The following IFTAP variants were observed in gnomAD, a reference collection of about 807,000 sequenced individuals.
The protein encoded by IFTAP is intraflagellar transport associated protein, also known as intraflagellar transport-associated protein.
A neutral mutation model predicts 19.4 loss-of-function variants in IFTAP; 19 were observed. That is an observed-to-expected ratio of 0.98 (90% CI 0.68 to 1.44). The LOEUF (loss-of-function observed/expected upper bound fraction) is 1.44, where lower values mean the gene tolerates loss of function less well. IFTAP is among the 40% of genes most tolerant of loss of function. The probability of loss-of-function intolerance (pLI) is 0.00; values close to 1 mark genes in which losing one functional copy is unlikely to be tolerated. For synonymous variants in IFTAP, 85 were observed against 83.5 expected (o/e 1.02, Z -0.10); for missense variants, 240 against 253.6 (o/e 0.95, Z 0.36).
chr11:36,655,180 A>G (rs1040315543), intron 5 of IFTAP, among the ~76,000 whole-genome samples: 52 of 152,128 alleles, frequency 3.4e-4, no homozygotes, highest in Non-Finnish European at 1.0e-4. Context: ...TTGTGCTCTG[A>G]CAATGCTCAC....
chr11:36,650,810 G>GT (rs1853690290), intron 5 of IFTAP, among the ~76,000 whole-genome samples: 1 of 151,920 alleles, frequency 6.6e-6, no homozygotes, highest in Non-Finnish European at 1.5e-5. Flanking sequence ...GCGGTGTTTG[G>GT]TTTTTTGTCC....
chr11:36,613,157 G>T (rs1187867448), intron 2 of IFTAP, among the ~76,000 whole-genome samples: 1 of 152,036 alleles, frequency 6.6e-6, no homozygotes, highest in African/African-American at 2.4e-5. Flanking sequence ...TTAGCATGCA[G>T]ATTTTTAAAA....
At chr11:36,598,992 TC>T (rs1355045103) in intron 1 of IFTAP, among the ~76,000 whole-genome samples, 2 of 152,124 alleles carry the variant, frequency 1.3e-5, no homozygotes, top group East Asian at 1.9e-4. Flanking sequence ...CTTTATAATT[TC>T]TTTTATTTTC....
chr11:36,595,194 T>G (rs1851165102), intron 1 of IFTAP: 2 of 152,230 alleles, frequency 1.3e-5, no homozygotes, highest in Admixed American at 6.5e-5. Flanking sequence ...TTCATCTTCA[T>G]TCTAGGAAAA....
rs147741597 is a variant in IFTAP, at chr11:36,602,523, G to A, written c.-23-7558G>A. The stretch of plus-strand genomic sequence containing the variant: ...AGGTTTGAGCTAATAAATCTTTTAT[G>A]ATTGAAATATTGTGTGATTATAGAG... On this transcript the variant is annotated intron_variant, in intron 1 of 5. Coordinates refer to ENST00000334307, the MANE Select transcript of IFTAP (RefSeq NM_138787.4). Among the ~76,000 whole-genome samples the A allele has an allele frequency of 1.4e-4, 21 of 152,292 alleles. 1 individual carries two copies. The East Asian group carries it at 4.1e-3, about 29-fold the overall frequency.
At chr11:36,625,474 G>A (rs1026068464) in intron 2 of IFTAP, among the ~76,000 whole-genome samples, 10 of 152,078 alleles carry the variant, frequency 6.6e-5, no homozygotes, top group African/African-American at 2.4e-4. Flanking sequence ...ACACCTCATA[G>A]CAATAAATAT....
In IFTAP at chr11:36,621,752, C is replaced by T. The variant is rs1852299292; in HGVS notation, c.136+11513C>T. On this transcript the variant is annotated intron_variant, in intron 2 of 5. Coordinates refer to ENST00000334307, the MANE Select transcript of IFTAP (RefSeq NM_138787.4). ...ATACTCAGATGAACAAAACAGGGTC[C>T]CTACCCTAGAAGAATTCATCAGCTG... Among the ~76,000 whole-genome samples the T allele has an allele frequency of 1.3e-5, 2 of 151,888 alleles. 1 individual carries two copies. Among genetic ancestry groups the T allele is most frequent in the South Asian group, 4.2e-4 (2 of 4,812 alleles).
chr11:36,608,166 T>G (rs974109777), intron 1 of IFTAP, among the ~76,000 whole-genome samples: 2 of 152,212 alleles, frequency 1.3e-5, no homozygotes, highest in African/African-American at 4.8e-5. Flanking sequence ...AGAAAAAATC[T>G]ATTATTCTCT....
intron 3 of IFTAP, among the ~76,000 whole-genome samples, chr11:36,634,990 A>T (rs576699818): frequency 1.1e-3 from 167 of 152,306 alleles, no homozygotes; most frequent in African/African-American, 3.8e-3. Flanking sequence ...ACAGAATTTC[A>T]AAATTTAGTA....
At chr11:36,613,781 T>G (rs1465159436) in intron 2 of IFTAP, among the ~76,000 whole-genome samples, 1 of 152,074 alleles carries the variant, frequency 6.6e-6, no homozygotes, top group Non-Finnish European at 1.5e-5. Context: ...TGGTGATGGT[T>G]CTTTGGGTCA....
intron 2 of IFTAP, among the ~76,000 whole-genome samples, chr11:36,624,046 T>TA (rs755417218): frequency 2.9e-4 from 44 of 152,144 alleles, no homozygotes; most frequent in Non-Finnish European, 5.4e-4. Flanking sequence ...AAAACCACTT[T>TA]AAAAAGGAAG....
At chr11:36,605,311 A>C (rs1417959297) in intron 1 of IFTAP, among the ~76,000 whole-genome samples, 1 of 141,328 alleles carries the variant, frequency 7.1e-6, no homozygotes, top group East Asian at 2.1e-4. Flanking sequence ...GCAGACATAT[A>C]ACCCTAGTGC....
intron 3 of IFTAP, among the ~76,000 whole-genome samples, chr11:36,634,241 G>T (rs2133458123): frequency 6.6e-6 from 1 of 152,236 alleles, no homozygotes; most frequent in African/African-American, 2.4e-5. Context: ...GAGGAACAGA[G>T]AATGGTTGAA....
chr11:36,597,859 A>G (rs1245897670), intron 1 of IFTAP: 2 of 152,172 alleles, frequency 1.3e-5, no homozygotes, highest in Admixed American at 1.3e-4. Context: ...GTCTTAGGCC[A>G]GAGAACGATT....
intron 4 of IFTAP, among the ~76,000 whole-genome samples, chr11:36,640,347 T>C (rs1428893402): frequency 1.3e-5 from 2 of 152,212 alleles, no homozygotes; most frequent in African/African-American, 4.8e-5. Context: ...CCACTGAAAA[T>C]TTCTTGAAGT....
rs1320492393 is a variant in IFTAP at position 36,659,208 on chromosome 11, T to C, written c.*22T>C. ...CTGATTCACAGAGGCATTTTGTGTG[T>C]GTGTGCTTATTTTAATTTTGTTCTT... On this transcript the variant is annotated 3_prime_UTR_variant, in exon 6 of 6. Coordinates refer to ENST00000334307, the MANE Select transcript of IFTAP (RefSeq NM_138787.4). The C allele has an allele frequency of 6.5e-7, 1 of 1,528,348 alleles. No homozygotes were observed. 94.7% of individuals were successfully genotyped at this position (1,528,348 alleles called of 1,614,324 possible).
intron 5 of IFTAP, among the ~76,000 whole-genome samples, chr11:36,656,544 T>C (rs1853996848): frequency 6.6e-6 from 1 of 151,728 alleles, no homozygotes; most frequent in South Asian, 2.1e-4. Flanking sequence ...CACTCCTGCC[T>C]GGGTGACAGA....
At chr11:36,625,846 A>G (rs1388164751) in intron 2 of IFTAP, among the ~76,000 whole-genome samples, 1 of 152,174 alleles carries the variant, frequency 6.6e-6, no homozygotes, top group Admixed American at 6.5e-5. Context: ...CTGGGAAGGT[A>G]AAATTTGAAT....
chr11:36,610,035 C>T, intron 1 of IFTAP, 46 bp from the exon 2 acceptor site: 1 of 1,523,628 alleles, frequency 6.6e-7, no homozygotes, highest in Non-Finnish European at 9.0e-7. Flanking sequence ...TTCAAAGGGG[C>T]TGGTATTGCC....
Sources: allele counts gnomAD v4.1 joint callset (sites outside exome capture counted in the v4.1 genomes callset), GRCh38; gene constraint gnomAD v4.1.1; transcripts MANE v1.5; gene names NCBI Gene and HGNC (gene_info 2026-07-23, HGNC 2026-07-21).